Variants in COMMD10 observed in about 807,000 individuals in gnomAD.
The protein encoded by COMMD10 is COMM domain containing 10.
In COMMD10, 33 loss-of-function variants were observed where a neutral mutation model predicts 28.9. That is an observed-to-expected ratio of 1.14 (90% CI 0.87 to 1.53). COMMD10 has a LOEUF of 1.53. Ranked by LOEUF, COMMD10 falls within the 40% of genes most tolerant of loss-of-function variation. The pLI, the probability that COMMD10 is intolerant of heterozygous loss-of-function variation, is 0.00. For missense variants in COMMD10, 310 were observed against 233.4 expected (o/e 1.33, Z -2.14); for synonymous variants, 110 against 81.7 (o/e 1.35, Z -1.87).
intron 5 of COMMD10, among the ~76,000 whole-genome samples, chr5:116,185,869 C>T (rs1286888588): frequency 1.3e-5 from 2 of 152,100 alleles, no homozygotes; most frequent in African/African-American, 2.4e-5. Flanking sequence ...TCACTTTACT[C>T]TCATTTCAGT....
At chr5:116,102,067 A>C (rs1040667210) in intron 4 of COMMD10, among the ~76,000 whole-genome samples, 2 of 152,136 alleles carry the variant, frequency 1.3e-5, no homozygotes, top group African/African-American at 4.8e-5. Flanking sequence ...AGTTTAACTA[A>C]GTTCCATTTG....
chr5:116,292,131 T>C lies in COMMD10; in HGVS notation c.571-320T>C, dbSNP rs1212492324. Among the ~76,000 whole-genome samples, 9 of 151,458 alleles carry C rather than the reference T, an allele frequency of 5.9e-5. No homozygotes were observed. In the South Asian group the frequency reaches 1.3e-3, roughly 21 times the overall value. ...CACTCCCTCATATGTAAGCCTCCAATAAAACCCCATGTCTCATTAAAAAAA... is the reference window on the plus strand; with the variant it reads ...CACTCCCTCATATGTAAGCCTCCAACAAAACCCCATGTCTCATTAAAAAAA... On this transcript the variant is annotated intron_variant, in intron 6 of 6. Coordinates refer to ENST00000274458, the MANE Select transcript of COMMD10 (RefSeq NM_016144.4).
chr5:116,269,526 G>A (rs72808904), intron 5 of COMMD10, among the ~76,000 whole-genome samples: 7,985 of 151,790 alleles, frequency 0.053, 300 homozygotes, highest in East Asian at 0.13. Context: ...ATTAGTCCAA[G>A]TGATATTTTC....
At chr5:116,096,638 A>G (rs1750479107) in intron 4 of COMMD10, among the ~76,000 whole-genome samples, 1 of 152,084 alleles carries the variant, frequency 6.6e-6, no homozygotes. Flanking sequence ...AGGAGTGGTA[A>G]GTCTGAATAT....
chr5:116,104,113 T>A (rs1416251269), intron 4 of COMMD10, among the ~76,000 whole-genome samples: 2 of 152,188 alleles, frequency 1.3e-5, no homozygotes, highest in Non-Finnish European at 2.9e-5. Context: ...TTGCTTAGGA[T>A]TGTCTTGGCT....
At chr5:116,203,785 C>T (rs182505829) in intron 5 of COMMD10, among the ~76,000 whole-genome samples, 218 of 152,212 alleles carry the variant, frequency 1.4e-3, no homozygotes, top group African/African-American at 5.0e-3. Flanking sequence ...ACAGCAAAAT[C>T]ATGCCAAAAT....
At chr5:116,221,403 A>C (rs74461249) in intron 5 of COMMD10, among the ~76,000 whole-genome samples, 1 of 152,124 alleles carries the variant, frequency 6.6e-6, no homozygotes, top group Non-Finnish European at 1.5e-5. Flanking sequence ...AAACCCTGCT[A>C]TCTCAGTATA....
chr5:116,226,823 G>A (rs900606467), intron 5 of COMMD10, among the ~76,000 whole-genome samples: 2 of 152,054 alleles, frequency 1.3e-5, no homozygotes, highest in African/African-American at 4.8e-5. Context: ...GGAATTTCAA[G>A]GATATTCCTA....
Position 116,292,581 on chromosome 5 carries a change from C to A in COMMD10, c.*92C>A. The A allele has an allele frequency of 9.8e-7, 1 of 1,019,438 alleles. No individual in the cohort carries two copies. The highest frequency in any genetic ancestry group is 1.6e-5 in the South Asian group (1 of 63,586). The allele number at this position is 1,019,438 out of a possible 1,614,324, so 63.1% of individuals were successfully genotyped here. A position where few individuals can be genotyped will look rare whatever the true frequency, so the allele number is the denominator to read the frequency against. ...GCCAGGTTGTGTTTTCTGAAGGATTCAGTGACTTGCTTTCTGTAAATTATA... is the reference window on the plus strand; with the variant it reads ...GCCAGGTTGTGTTTTCTGAAGGATTAAGTGACTTGCTTTCTGTAAATTATA... On this transcript the variant is annotated 3_prime_UTR_variant, in exon 7 of 7. Coordinates refer to ENST00000274458, the MANE Select transcript of COMMD10 (RefSeq NM_016144.4).
At chr5:116,250,842 T>A (rs1750092026) in intron 5 of COMMD10, among the ~76,000 whole-genome samples, 1 of 152,010 alleles carries the variant, frequency 6.6e-6, no homozygotes, top group Admixed American at 6.6e-5. Flanking sequence ...GCTCACCTAC[T>A]TCACTTTTAC....
intron 5 of COMMD10, among the ~76,000 whole-genome samples, chr5:116,257,898 A>G (rs1750336505): frequency 6.6e-6 from 1 of 151,656 alleles, no homozygotes; most frequent in Admixed American, 6.6e-5. Flanking sequence ...ATTAATACTT[A>G]AGCTTTTTGA....
rs531758601 is a variant in COMMD10 at position 116,268,335 on chromosome 5, A to C, written c.511-23182A>C. Among the ~76,000 whole-genome samples the C allele has an allele frequency of 7.3e-3, 1,107 of 151,978 alleles. 32 individuals carry two copies. The highest frequency in any genetic ancestry group is 0.025 in the African/African-American group (1,050 of 41,258). On this transcript the variant is annotated intron_variant, in intron 5 of 6. Coordinates refer to ENST00000274458, the MANE Select transcript of COMMD10 (RefSeq NM_016144.4). ...CAAAAGAAGACATTTATGCAGCCAA[A>C]AAACACATGAAAAAATGCTCATCAT...
chr5:116,096,679 G>A lies in COMMD10; in HGVS notation c.399+3979G>A, dbSNP rs73269296. Among the ~76,000 whole-genome samples, 1,198 of 152,198 alleles carry A rather than the reference G, an allele frequency of 7.9e-3. 16 individuals are homozygous for A. The highest frequency in any genetic ancestry group is 0.027 in the African/African-American group (1,105 of 41,556). ...CCTTGTTCCCAATTTTAGGGTGAAAGCATTCAGGCTCTTATCATTAAGTAG... is the reference window on the plus strand; with the variant it reads ...CCTTGTTCCCAATTTTAGGGTGAAAACATTCAGGCTCTTATCATTAAGTAG... On this transcript the variant is annotated intron_variant, in intron 4 of 6. Coordinates refer to ENST00000274458, the MANE Select transcript of COMMD10 (RefSeq NM_016144.4).
At chr5:116,127,477 G>T (rs905024213) in intron 4 of COMMD10, among the ~76,000 whole-genome samples, 1 of 152,102 alleles carries the variant, frequency 6.6e-6, no homozygotes, top group Admixed American at 6.6e-5. Context: ...ACATGCACAC[G>T]CATGTTTATA....
At chr5:116,085,260 G>C in intron 1 of COMMD10, 167 bp downstream of exon 1, 1 of 655,056 alleles carries the variant, frequency 1.5e-6, no homozygotes, top group Non-Finnish European at 2.6e-6. Context: ...TGCGGAGTGC[G>C]TGGGGCCGTG....
chr5:116,133,146 A>G (rs1352887934), intron 4 of COMMD10, among the ~76,000 whole-genome samples: 3 of 152,154 alleles, frequency 2.0e-5, no homozygotes, highest in African/African-American at 4.8e-5. Flanking sequence ...TAAATCTATT[A>G]TTAGGGTCAT....
chr5:116,213,100 T>C (rs66783056), intron 5 of COMMD10, among the ~76,000 whole-genome samples: 8,102 of 152,162 alleles, frequency 0.053, 300 homozygotes, highest in East Asian at 0.15. Flanking sequence ...TTTATTGGCC[T>C]GCTTTCTGCT....
intron 5 of COMMD10, among the ~76,000 whole-genome samples, chr5:116,190,750 T>A (rs1278735215): frequency 6.6e-6 from 1 of 152,210 alleles, no homozygotes; most frequent in Non-Finnish European, 1.5e-5. Flanking sequence ...AACTTTAAGC[T>A]GAAATACTAA....
At chr5:116,274,172 C>G (rs1750841363) in intron 5 of COMMD10, among the ~76,000 whole-genome samples, 1 of 151,778 alleles carries the variant, frequency 6.6e-6, no homozygotes, top group Admixed American at 6.6e-5. Context: ...ATTTATACTT[C>G]TACTTATATA....
Sources: allele counts gnomAD v4.1 joint callset (sites outside exome capture counted in the v4.1 genomes callset), GRCh38; gene constraint gnomAD v4.1.1; transcripts MANE v1.5; gene names NCBI Gene and HGNC (gene_info 2026-07-23, HGNC 2026-07-21).